The following MPDZ variants were observed in gnomAD, a reference collection of about 807,000 sequenced individuals.
MPDZ encodes the protein multiple PDZ domain protein.
A neutral mutation model predicts 239.1 loss-of-function variants in MPDZ; 234 were observed. The observed-to-expected ratio is 0.98, with a 90% confidence interval of 0.88 to 1.09. The LOEUF is 1.09. MPDZ is among the 50% of genes least tolerant of loss of function. The pLI, the probability that MPDZ is intolerant of heterozygous loss-of-function variation, is 0.00. For missense variants in MPDZ, 3,175 were observed against 2,510.0 expected, an observed-to-expected ratio of 1.26 and a Z score of -5.66; for synonymous variants, 1,048 against 881.3, an observed-to-expected ratio of 1.19 and a Z score of -3.35.
At chr9:13,161,596 T>C (rs969178989) in intron 23 of MPDZ, among the ~76,000 whole-genome samples, 4 of 151,892 alleles carry the variant, frequency 2.6e-5, no homozygotes, top group Non-Finnish European at 5.9e-5. Flanking sequence ...ATTGTAGAAC[T>C]CTCTTCTGAG....
chr9:13,116,902 A>G (rs1943541528), intron 39 of MPDZ, among the ~76,000 whole-genome samples: 1 of 152,194 alleles, frequency 6.6e-6, no homozygotes, highest in Non-Finnish European at 1.5e-5. Context: ...TGCGGTAAAT[A>G]CAATCCTCTG....
intron 1 of MPDZ, among the ~76,000 whole-genome samples, chr9:13,261,004 C>A (rs1183332010): frequency 6.6e-6 from 1 of 152,196 alleles, no homozygotes; most frequent in African/African-American, 2.4e-5. Context: ...CAGGGCTGGG[C>A]TCCCTAATTC....
chr9:13,155,647 C>G (rs1949727123), intron 24 of MPDZ, among the ~76,000 whole-genome samples: 1 of 152,084 alleles, frequency 6.6e-6, no homozygotes, highest in South Asian at 2.1e-4. Flanking sequence ...ATTTTATAAT[C>G]TTAAAATTTA....
intron 10 of MPDZ, among the ~76,000 whole-genome samples, chr9:13,207,771 A>C (rs1957163030): frequency 6.6e-6 from 1 of 152,204 alleles, no homozygotes; most frequent in Admixed American, 6.5e-5. Context: ...TAGTGTCATC[A>C]AAACATGGTG....
At chr9:13,214,861 GA>G (rs1028064226) in intron 10 of MPDZ, among the ~76,000 whole-genome samples, 8 of 103,548 alleles carry the variant, frequency 7.7e-5, no homozygotes, top group African/African-American at 3.0e-4. Flanking sequence ...GTGTAGATCT[GA>G]AGAGGTGAAC....
chr9:13,125,372 T>C lies in MPDZ; in HGVS notation c.4651A>G (p.Thr1551Ala). The C allele has an allele frequency of 6.2e-7, 1 of 1,613,568 alleles. No individual in the cohort carries two copies. Among genetic ancestry groups the C allele is most frequent in the African/African-American group, 1.3e-5 (1 of 75,028 alleles). ...GTAAGTTTTACTGTCATCTTTGCTG[T>C]CTTCAGAAGGCTAATAAACTGGCAG... ...PIEKFISLLK[T>A]AKMTVKLTIH... Residue 1551 changes from threonine to alanine, a missense_variant, in exon 35 of 47, where the codon ACA becomes GCA. Physicochemically the swap from Thr to Ala is moderately conservative, Grantham distance 58. Transcript: ENST00000319217.
At chr9:13,132,715 A>G (rs1946182866) in intron 32 of MPDZ, among the ~76,000 whole-genome samples, 1 of 152,200 alleles carries the variant, frequency 6.6e-6, no homozygotes, top group African/African-American at 2.4e-5. Context: ...TTCTCACTAC[A>G]AGTCTATGAG....
At chr9:13,178,258 C>CAA (rs368605859) in intron 19 of MPDZ, among the ~76,000 whole-genome samples, 2,778 of 116,444 alleles carry the variant, frequency 0.024, 63 homozygotes, top group African/African-American at 0.049. Flanking sequence ...GACTGCATCT[C>CAA]AAAAAAAAAA....
intron 26 of MPDZ, among the ~76,000 whole-genome samples, chr9:13,145,737 T>G (rs950719824): frequency 6.6e-6 from 1 of 152,028 alleles, no homozygotes; most frequent in African/African-American, 2.4e-5. Context: ...GGTATCATTA[T>G]ACCTCAGAGA....
At chr9:13,160,301 T>C (rs887038692) in intron 23 of MPDZ, among the ~76,000 whole-genome samples, 1 of 152,140 alleles carries the variant, frequency 6.6e-6, no homozygotes, top group African/African-American at 2.4e-5. Flanking sequence ...TGCAGATTGT[T>C]CCACCAAAAA....
At chr9:13,121,625 T>C (rs1944362154) in intron 38 of MPDZ, 114 bp downstream of exon 38, 4 of 1,058,198 alleles carry the variant, frequency 3.8e-6, no homozygotes, top group Non-Finnish European at 2.8e-6. Flanking sequence ...TAACAACAGC[T>C]ACCTACTGAA....
At chr9:13,258,445 T>C (rs1198711815) in intron 1 of MPDZ, among the ~76,000 whole-genome samples, 3 of 152,244 alleles carry the variant, frequency 2.0e-5, no homozygotes, top group Non-Finnish European at 4.4e-5. Flanking sequence ...TGTTTTTGCA[T>C]TTAAATTTAC....
intron 24 of MPDZ, among the ~76,000 whole-genome samples, chr9:13,152,849 T>C (rs1475548912): frequency 1.3e-5 from 2 of 152,104 alleles, no homozygotes; most frequent in Admixed American, 6.6e-5. Flanking sequence ...GTAAGCGCTA[T>C]GAGTATATTT....
intron 43 of MPDZ, among the ~76,000 whole-genome samples, chr9:13,111,429 G>C (rs1586862055): frequency 6.6e-6 from 1 of 152,174 alleles, no homozygotes. Flanking sequence ...AGACCTATTT[G>C]AGGTATGAAA....
chr9:13,233,608 T>C (rs1963160243), intron 3 of MPDZ, among the ~76,000 whole-genome samples: 2 of 152,132 alleles, frequency 1.3e-5, no homozygotes, highest in South Asian at 4.1e-4. Context: ...AAAAAAATCC[T>C]TGGGCACACT....
At chr9:13,164,399 AATAAAG>A (rs544818275) in intron 22 of MPDZ, among the ~76,000 whole-genome samples, 13 of 152,306 alleles carry the variant, frequency 8.5e-5, no homozygotes, top group Middle Eastern at 3.4e-3. Flanking sequence ...GAAAAAATAA[AATAAAG>A]ATAAACATAA....
At chr9:13,154,908 T>C (rs1304492421) in intron 24 of MPDZ, among the ~76,000 whole-genome samples, 4 of 152,048 alleles carry the variant, frequency 2.6e-5, no homozygotes, top group South Asian at 2.1e-4. Context: ...CATTCATATA[T>C]TGGAAATAGA....
intron 19 of MPDZ, 106 bp from the exon 20 acceptor site, chr9:13,176,523 C>G: frequency 1.0e-6 from 1 of 953,572 alleles, no homozygotes; most frequent in African/African-American, 1.7e-5. Context: ...AAATGTAAAA[C>G]ATAACAATTA....
rs375557032 is a variant in MPDZ, at chr9:13,221,407, C to T, written c.841G>A (p.Val281Ile). ...IIGGKATGVI[V>I]KTILPGGVAD... ...ACTCCTCCAGGCAGAATGGTTTTTACTATCACACCAGTTGCTTTTCCTCCT... is the reference window on the plus strand; with the variant it reads ...ACTCCTCCAGGCAGAATGGTTTTTATTATCACACCAGTTGCTTTTCCTCCT... The change falls in exon 7 of 47, where the codon GTA becomes ATA. Residue 281 changes from valine (V) to isoleucine (I), a missense_variant. Coordinates refer to ENST00000319217, the MANE Select transcript of MPDZ (RefSeq NM_001378778.1). 4 of 1,610,822 alleles carry T rather than the reference C, an allele frequency of 2.5e-6. No individual in the cohort carries two copies. The highest frequency in any genetic ancestry group is 3.4e-6 in the Non-Finnish European group (4 of 1,178,036).
Sources: gnomAD v4.1 joint callset for allele counts (sites outside exome capture counted in the v4.1 genomes callset) on GRCh38, gnomAD v4.1.1 for gene constraint, MANE v1.5 for transcripts, NCBI Gene and HGNC (gene_info 2026-07-23, HGNC 2026-07-21) for gene names.